Variants in ANKS1B observed in about 807,000 individuals in gnomAD.
ANKS1B encodes the protein ankyrin repeat and sterile alpha motif domain-containing protein 1B.
Under a neutral mutation model 148.3 loss-of-function variants are expected in ANKS1B, and 36 were observed. That is an observed-to-expected ratio of 0.24 (90% CI 0.19 to 0.32). ANKS1B has a LOEUF of 0.32. Ranked by LOEUF, ANKS1B falls within the 10% of genes least tolerant of loss-of-function variation. The probability of loss-of-function intolerance (pLI) is 1.00; values close to 1 mark genes in which losing one functional copy is unlikely to be tolerated. For synonymous variants in ANKS1B, 542 were observed against 560.8 expected, an observed-to-expected ratio of 0.97 and a Z score of 0.47; for missense variants, 1,157 against 1,542.6, an observed-to-expected ratio of 0.75 and a Z score of 4.19.
intron 15 of ANKS1B, among the ~76,000 whole-genome samples, chr12:99,088,634 T>C (rs2052813600): frequency 6.6e-6 from 1 of 152,116 alleles, no homozygotes; most frequent in East Asian, 1.9e-4. Flanking sequence ...TAACTTATTT[T>C]TGTAGTAGTA....
At chr12:99,181,370 G>C (rs1439174113) in intron 14 of ANKS1B, among the ~76,000 whole-genome samples, 1 of 152,044 alleles carries the variant, frequency 6.6e-6, no homozygotes, top group South Asian at 2.1e-4. Context: ...ATTTCTGAAG[G>C]CTCATTATTC....
At position 99,728,462 on chromosome 12, in the gene ANKS1B, A is replaced by C. The variant is rs577984040; in HGVS notation, c.1128+44460T>G. 5.9e-5 allele frequency among the ~76,000 whole-genome samples: 9 copies of C among 152,348 alleles called. No homozygotes were observed. In the South Asian group the frequency reaches 1.7e-3, roughly 28 times the overall value. On this transcript the variant is annotated intron_variant, in intron 8 of 26. Transcript: ENST00000683438. Reference sequence around the variant, plus strand: ...GCCAGTCAGAATGGTAATTATTAAAAAGTCAAGAAACAATAGATGCTTGGG... The same window carrying C: ...GCCAGTCAGAATGGTAATTATTAAACAGTCAAGAAACAATAGATGCTTGGG...
At position 98,971,609 on chromosome 12, in the gene ANKS1B, C is replaced by T. The variant is rs2099883180; in HGVS notation, c.2778+81548G>A. ...GACATGGTACGGATAACTAGACTCA[C>T]CTAACATTCAAATGAAGGGCTGTGT... On this transcript the variant is annotated intron_variant, in intron 17 of 26. Transcript: ENST00000683438. Among the ~76,000 whole-genome samples, 5 of 152,164 alleles carry T rather than the reference C, an allele frequency of 3.3e-5. No homozygotes were observed. The South Asian group carries it at 1.0e-3, about 32-fold the overall frequency.
chr12:99,654,275 GA>G (rs2098439526), intron 9 of ANKS1B, among the ~76,000 whole-genome samples: 1 of 152,172 alleles, frequency 6.6e-6, no homozygotes, highest in Non-Finnish European at 1.5e-5. Flanking sequence ...TGACAGAAGG[GA>G]AAATATCTTT....
At chr12:99,261,713 C>T (rs1204686626) in intron 12 of ANKS1B, among the ~76,000 whole-genome samples, 1 of 152,094 alleles carries the variant, frequency 6.6e-6, no homozygotes, top group Non-Finnish European at 1.5e-5. Context: ...TAGCAGCCTC[C>T]TAACCATCTC....
At chr12:99,315,189 G>C (rs1372826644) in intron 12 of ANKS1B, among the ~76,000 whole-genome samples, 1 of 150,622 alleles carries the variant, frequency 6.6e-6, no homozygotes, top group Non-Finnish European at 1.5e-5. Context: ...GCAGTGAGCC[G>C]AGATTGTGCC....
intron 17 of ANKS1B, among the ~76,000 whole-genome samples, chr12:99,021,283 A>G (rs751191690): frequency 6.6e-6 from 1 of 152,144 alleles, no homozygotes; most frequent in Non-Finnish European, 1.5e-5. Flanking sequence ...TATAGTATCA[A>G]TATAATTTTA....
At chr12:98,884,477 G>A (rs2099731173) in intron 17 of ANKS1B, among the ~76,000 whole-genome samples, 1 of 152,138 alleles carries the variant, frequency 6.6e-6, no homozygotes, top group African/African-American at 2.4e-5. Flanking sequence ...TCCCTAGCTG[G>A]TCTCATCTAG....
intron 11 of ANKS1B, among the ~76,000 whole-genome samples, chr12:99,423,071 G>T (rs1215777699): frequency 6.6e-6 from 1 of 152,168 alleles, no homozygotes; most frequent in Non-Finnish European, 1.5e-5. Context: ...TATCTGAGTA[G>T]ACTAGGAGGA....
At chr12:99,377,242 G>T (rs1000259759) in intron 12 of ANKS1B, among the ~76,000 whole-genome samples, 1 of 151,998 alleles carries the variant, frequency 6.6e-6, no homozygotes, top group Admixed American at 6.6e-5. Flanking sequence ...TCTTGACCTC[G>T]TGATCTGCCC....
chr12:99,720,812 A>G (rs1002907151), intron 8 of ANKS1B, among the ~76,000 whole-genome samples: 8 of 152,200 alleles, frequency 5.3e-5, no homozygotes, highest in African/African-American at 1.9e-4. Context: ...ACCGTTCTCA[A>G]CTACTCATAC....
chr12:99,540,127 T>C (rs1022260726), intron 9 of ANKS1B, among the ~76,000 whole-genome samples: 2 of 151,614 alleles, frequency 1.3e-5, no homozygotes, highest in African/African-American at 4.8e-5. Flanking sequence ...AGCATAAACA[T>C]ATATACACCT....
At chr12:99,002,734 A>C (rs2099933791) in intron 17 of ANKS1B, among the ~76,000 whole-genome samples, 1 of 152,152 alleles carries the variant, frequency 6.6e-6, no homozygotes, top group Non-Finnish European at 1.5e-5. Context: ...ATATTTCAGA[A>C]ATTAACCCCT....
intron 19 of ANKS1B, among the ~76,000 whole-genome samples, chr12:98,812,530 A>T (rs1244142452): frequency 1.3e-5 from 2 of 152,214 alleles, no homozygotes; most frequent in Non-Finnish European, 2.9e-5. Flanking sequence ...AAAAGTCAGA[A>T]TTTAAAAGAG....
intron 14 of ANKS1B, among the ~76,000 whole-genome samples, chr12:99,206,126 G>A (rs187905754): frequency 1.9e-4 from 29 of 152,204 alleles, no homozygotes; most frequent in East Asian, 5.8e-4. Context: ...GAAAATGTCC[G>A]TTCAACAAGG....
chr12:99,276,983 T>C (rs1430503992), intron 12 of ANKS1B, among the ~76,000 whole-genome samples: 1 of 152,188 alleles, frequency 6.6e-6, no homozygotes, highest in African/African-American at 2.4e-5. Context: ...TCACCTAACT[T>C]ACGTCTACAT....
chr12:98,990,612 G>A (rs572775739), intron 17 of ANKS1B, among the ~76,000 whole-genome samples: 3 of 151,932 alleles, frequency 2.0e-5, no homozygotes, highest in African/African-American at 2.4e-5. Flanking sequence ...TACTGAGTGG[G>A]AAAATATTAC....
rs895981164 is a variant in ANKS1B at position 99,779,871 on chromosome 12, C to T, written c.847G>A (p.Glu283Lys). ...KSLQIATLLQ[E>K]YLEGVGRSTV... ...TCATCCATCATTCAATACTGTTTACCTTGTAAGAGTGTTGCAATCTGGAGA... is the reference window on the plus strand; with the variant it reads ...TCATCCATCATTCAATACTGTTTACTTTGTAAGAGTGTTGCAATCTGGAGA... Residue 283 changes from glutamate to lysine, a missense_variant and splice_region_variant, in exon 6 of 27, where the codon GAG (glutamate) becomes AAG (lysine). By Grantham distance (56) the Glu-to-Lys change is moderately conservative (BLOSUM62 1). Around this residue, in one of 6 missense-constraint regions of ANKS1B, gnomAD observed 661 missense variants for 642.1 expected, o/e 1.03. Transcript: ENST00000683438. The T allele has an allele frequency of 6.2e-7, 1 of 1,607,286 alleles. No homozygotes were observed.
At chr12:98,780,325 TGGGGTTTTGTGAGGA>T (rs1273180175) in intron 24 of ANKS1B, among the ~76,000 whole-genome samples, 1 of 152,226 alleles carries the variant, frequency 6.6e-6, no homozygotes, top group Non-Finnish European at 1.5e-5. Flanking sequence ...CATGAACGTT[TGGGGTTTTGTGAGGA>T]GGAGTCAGTC....
Sources: gnomAD v4.1 joint callset for allele counts (sites outside exome capture counted in the v4.1 genomes callset) on GRCh38, gnomAD v4.1.1 for gene constraint, gnomAD v4.1.1 regional missense constraint, MANE v1.5 for transcripts, NCBI Gene and HGNC (gene_info 2026-07-23, HGNC 2026-07-21) for gene names.